Variants in CPA5 observed in about 807,000 individuals in gnomAD.
The protein encoded by CPA5 is testicular tissue protein Li 32.
CPA5 carries 38 observed loss-of-function variants against 52.2 expected under a neutral mutation model. The ratio of observed to expected loss-of-function variants is 0.73; its 90% CI spans 0.56 to 0.95. The LOEUF (loss-of-function observed/expected upper bound fraction) is 0.95. CPA5 is among the 40% of genes least tolerant of loss of function. The pLI is 0.00. For missense variants in CPA5, 519 were observed against 566.7 expected, an observed-to-expected ratio of 0.92 and a Z score of 0.86; for synonymous variants, 198 against 213.7, an observed-to-expected ratio of 0.93 and a Z score of 0.64.
At chr7:130,362,415 T>C in intron 7 of CPA5, 23 bp from the exon 8 acceptor site, 1 of 1,579,430 alleles carries the variant, frequency 6.3e-7, no homozygotes, top group Middle Eastern at 1.7e-4. Context: ...AACCTCGGTT[T>C]GGGGCCCGAT....
intron 5 of CPA5, among the ~76,000 whole-genome samples, chr7:130,352,901 G>C (rs1795254255): frequency 6.6e-6 from 1 of 151,316 alleles, no homozygotes; most frequent in African/African-American, 2.4e-5. Context: ...TGAGCAATCA[G>C]CTCTGTGGCT....
At chr7:130,348,534 A>T (rs6946506) in intron 4 of CPA5, among the ~76,000 whole-genome samples, 5 of 151,972 alleles carry the variant, frequency 3.3e-5, no homozygotes, top group African/African-American at 9.7e-5. Context: ...GACCCAGATT[A>T]GGCCTCTCCT....
intron 4 of CPA5, among the ~76,000 whole-genome samples, 175 bp downstream of exon 4, chr7:130,348,022 C>A (rs536164458): frequency 6.6e-6 from 1 of 152,346 alleles, no homozygotes; most frequent in African/African-American, 2.4e-5. Context: ...GGAACACCTG[C>A]CCAGAAATTT....
intron 11 of CPA5, 130 bp downstream of exon 11, chr7:130,367,701 G>A (rs997047798): frequency 5.1e-6 from 5 of 973,926 alleles, no homozygotes; most frequent in Admixed American, 1.9e-5. Flanking sequence ...CCCATGGTGC[G>A]GGGGTGGGGT....
Position 130,348,999 on chromosome 7 carries a change from G to A in CPA5, c.199-976G>A, listed in dbSNP as rs1554403121. Among the ~76,000 whole-genome samples the A allele has an allele frequency of 2.6e-5, 4 of 152,146 alleles. No individual in the cohort carries two copies. In the South Asian group the frequency reaches 6.2e-4, roughly 24 times the overall value. On this transcript the variant is annotated intron_variant, in intron 4 of 12. Transcript: ENST00000474905. Reference sequence around the variant, plus strand: ...TCTCGGTCATCAGACCGACTGTCGCGGTGTTGCAGTGCTTCTGTTCGTCTA... The same window carrying A: ...TCTCGGTCATCAGACCGACTGTCGCAGTGTTGCAGTGCTTCTGTTCGTCTA...
chr7:130,355,585 T>C (rs1554405005), intron 5 of CPA5, among the ~76,000 whole-genome samples: 1 of 152,164 alleles, frequency 6.6e-6, no homozygotes, highest in African/African-American at 2.4e-5. Flanking sequence ...TTTTGTATTT[T>C]TAGTAGAGAC....
intron 5 of CPA5, among the ~76,000 whole-genome samples, chr7:130,352,973 T>C (rs1313237902): frequency 1.3e-5 from 2 of 151,944 alleles, no homozygotes; most frequent in Non-Finnish European, 2.9e-5. Context: ...ATTTGGAAAA[T>C]AGTGGAAAGC....
At chr7:130,360,219 C>T (rs1795718535) in intron 6 of CPA5, among the ~76,000 whole-genome samples, 1 of 152,250 alleles carries the variant, frequency 6.6e-6, no homozygotes, top group Admixed American at 6.5e-5. Context: ...TTCTTTAACT[C>T]TTACACATAT....
chr7:130,373,538 C>T (rs183685420), downstream of CPA5, among the ~76,000 whole-genome samples: 324 of 152,262 alleles, frequency 2.1e-3, no homozygotes, highest in East Asian at 0.024. Flanking sequence ...CCAGGCTGGC[C>T]GGGAGGCCGT....
Position 130,347,756 on chromosome 7 carries a change from G to A in CPA5, c.117-10G>A, listed in dbSNP as rs117295053. The stretch of plus-strand genomic sequence containing the variant: ...CGCAGCTTCCTCCGCCCCTCCCTGT[G>A]TTTTTCTAGGGACCAGGTTCTTCGA... On this transcript the variant is annotated splice_polypyrimidine_tract_variant and intron_variant, in intron 3 of 12. Transcript: ENST00000474905. The A allele has an allele frequency of 0.013, 21,551 of 1,612,758 alleles. 188 individuals are homozygous for A. Among genetic ancestry groups the A allele is most frequent in the Non-Finnish European group, 0.017 (19,694 of 1,178,944 alleles).
At chr7:130,370,101 A>T (rs146177604), downstream of CPA5, among the ~76,000 whole-genome samples, 290 of 152,358 alleles carry the variant, frequency 1.9e-3, 1 homozygote, top group East Asian at 0.024. Context: ...GAGGCCTAGG[A>T]TAGAGGCCAG....
Position 130,367,934 on chromosome 7 carries a change from C to T in CPA5, c.1067C>T (p.Ala356Val), listed in dbSNP as rs868993007. Residue 356 changes from alanine (A) to valine (V), a missense_variant, in exon 12 of 13, where the codon GCC becomes GTC. Physicochemically the swap from Ala to Val is moderately conservative, Grantham distance 64 (BLOSUM62 0). Coordinates refer to ENST00000474905, the MANE Select transcript of CPA5 (RefSeq NM_080385.5). Reference protein sequence around the residue: ...LYDLAKDAVEALYKVHGIEYI... With the variant: ...LYDLAKDAVEVLYKVHGIEYI... ...GATCTTGCCAAGGATGCGGTGGAGG[C>T]CTTGTATAAGGTCCATGGGATCGAG... 1.9e-6 allele frequency: 3 copies of T among 1,614,222 alleles called. No homozygotes were observed. The Admixed American group carries it at 5.0e-5, about 27-fold the overall frequency.
chr7:130,363,527 C>T lies in CPA5; in HGVS notation c.838+18C>T, dbSNP rs375154528. On this transcript the variant is annotated intron_variant, in intron 10 of 12. Coordinates refer to ENST00000474905, the MANE Select transcript of CPA5 (RefSeq NM_080385.5). The stretch of plus-strand genomic sequence containing the variant: ...TTTTGGAGGTATGGCAACCTGCTGT[C>T]CTGGGGCAGGGTTGGAGAAGAGGTG... 1.9e-5 allele frequency: 30 copies of T among 1,564,772 alleles called. No homozygotes were observed. Among genetic ancestry groups the T allele is most frequent in the Non-Finnish European group, 2.4e-5 (28 of 1,151,544 alleles).
At position 130,349,295 on chromosome 7, in the gene CPA5, G is replaced by A. The variant is rs534770687; in HGVS notation, c.199-680G>A. Among the ~76,000 whole-genome samples, 17 of 152,120 alleles carry A rather than the reference G, an allele frequency of 1.1e-4. No homozygotes were observed. The South Asian group carries it at 1.9e-3, about 17-fold the overall frequency. ...CTAAAAATACAAAAATTAGCTGGGTGTGGTGGCGTGCACCTGTAGTTCCAG... is the reference window on the plus strand; with the variant it reads ...CTAAAAATACAAAAATTAGCTGGGTATGGTGGCGTGCACCTGTAGTTCCAG... On this transcript the variant is annotated intron_variant, in intron 4 of 12. Transcript: ENST00000474905.
intron 5 of CPA5, 45 bp from the exon 6 acceptor site, chr7:130,359,544 C>T: frequency 6.9e-7 from 1 of 1,446,436 alleles, no homozygotes; most frequent in Non-Finnish European, 9.5e-7. Flanking sequence ...GCATAGCCAG[C>T]CCAGCTCTCC....
At chr7:130,371,611 C>T (rs534192379), downstream of CPA5, among the ~76,000 whole-genome samples, 4 of 150,716 alleles carry the variant, frequency 2.7e-5, no homozygotes, top group East Asian at 7.8e-4. Flanking sequence ...GTTCTTGTTG[C>T]CCATGGTGCG....
intron 3 of CPA5, 135 bp downstream of exon 3, chr7:130,346,736 T>A: frequency 1.5e-6 from 1 of 656,598 alleles, no homozygotes; most frequent in Non-Finnish European, 2.6e-6. Flanking sequence ...CTGAACCCAC[T>A]TCCAGCTCCA....
Position 130,359,836 on chromosome 7 carries a change from G to A in CPA5, c.432+149G>A, listed in dbSNP as rs189327273. ...ACTGTACAGCAGACATTAGGTTAAG[G>A]TCTGTTAGGCAGAGAGTCATATTCA... is the stretch of plus-strand genomic sequence containing the variant. On this transcript the variant is annotated intron_variant, in intron 6 of 12. Coordinates refer to ENST00000474905, the MANE Select transcript of CPA5 (RefSeq NM_080385.5). The A allele has an allele frequency of 1.2e-4, 73 of 607,006 alleles. No homozygotes were observed. The East Asian group carries it at 1.4e-3, about 11-fold the overall frequency. 37.6% of individuals were successfully genotyped at this position (607,006 alleles called of 1,614,324 possible).
At chr7:130,362,401 T>G in intron 7 of CPA5, 37 bp from the exon 8 acceptor site, 1 of 1,505,236 alleles carries the variant, frequency 6.6e-7, no homozygotes, top group Non-Finnish European at 9.2e-7. Flanking sequence ...GCTGTCTGAG[T>G]TCAAACCTCG....
Sources: gnomAD v4.1 joint callset for allele counts (sites outside exome capture counted in the v4.1 genomes callset) on GRCh38, gnomAD v4.1.1 for gene constraint, MANE v1.5 for transcripts, NCBI Gene and HGNC (gene_info 2026-07-23, HGNC 2026-07-21) for gene names.